The following MED13 variants were observed in gnomAD, a reference collection of about 807,000 sequenced individuals.
The protein encoded by MED13 is mediator complex subunit 13.
In MED13, 23 loss-of-function variants were observed where a neutral mutation model predicts 225.2. The ratio of observed to expected loss-of-function variants is 0.10; its 90% CI spans 0.07 to 0.14. The LOEUF (loss-of-function observed/expected upper bound fraction) is 0.14. MED13 is among the 10% of genes least tolerant of loss of function. MED13 has a pLI of 1.00. For missense variants in MED13, 2,197 were observed against 2,594.5 expected (o/e 0.85, Z 3.33); for synonymous variants, 942 against 889.2 (o/e 1.06, Z -1.06).
intron 8 of MED13, among the ~76,000 whole-genome samples, chr17:62,014,667 A>G (rs532063303): frequency 4.6e-5 from 7 of 152,226 alleles, no homozygotes; most frequent in Admixed American, 3.3e-4. Flanking sequence ...TTGAGGAACT[A>G]ATTTTTTAAG....
intron 3 of MED13, among the ~76,000 whole-genome samples, chr17:62,045,520 T>G (rs2080890581): frequency 6.6e-6 from 1 of 151,784 alleles, no homozygotes; most frequent in South Asian, 2.1e-4. Context: ...AGACCCTGTC[T>G]CTATTTAAAA....
At chr17:62,035,703 C>A (rs1411185742) in intron 3 of MED13, 95 bp from the exon 4 acceptor site, 7 of 1,199,432 alleles carry the variant, frequency 5.8e-6, no homozygotes, top group South Asian at 1.8e-5. Context: ...AAATGCATAC[C>A]CTATTTTGCC....
At chr17:62,014,280 C>T (rs2080540031) in intron 8 of MED13, among the ~76,000 whole-genome samples, 1 of 148,002 alleles carries the variant, frequency 6.8e-6, no homozygotes, top group Admixed American at 6.7e-5. Flanking sequence ...CTAGAACTTT[C>T]TATGATGATG....
intron 3 of MED13, among the ~76,000 whole-genome samples, chr17:62,039,902 AT>A (rs2080839185): frequency 6.6e-6 from 1 of 151,566 alleles, no homozygotes; most frequent in Admixed American, 6.6e-5. Flanking sequence ...CCGGCCTGAA[AT>A]TTTTTTTAAG....
intron 20 of MED13, among the ~76,000 whole-genome samples, chr17:61,963,202 C>CAAAAAAA (rs11290002): frequency 8.3e-3 from 462 of 55,746 alleles, no homozygotes; most frequent in East Asian, 0.017. Flanking sequence ...TTAAATTTAC[C>CAAAAAAA]AAAAAAAAAA....
intron 9 of MED13, among the ~76,000 whole-genome samples, chr17:62,008,214 G>A (rs1330841676): frequency 1.3e-5 from 2 of 149,524 alleles, no homozygotes; most frequent in Non-Finnish European, 3.0e-5. Flanking sequence ...AGCTACTCAG[G>A]AGGCTGAGGC....
At chr17:62,019,659 G>A (rs960778140) in intron 8 of MED13, among the ~76,000 whole-genome samples, 1 of 151,980 alleles carries the variant, frequency 6.6e-6, no homozygotes, top group Non-Finnish European at 1.5e-5. Context: ...CTAAATTTTT[G>A]ACAACATTAA....
chr17:61,969,519 A>G (rs946176841), intron 17 of MED13, among the ~76,000 whole-genome samples: 5 of 152,102 alleles, frequency 3.3e-5, no homozygotes, highest in African/African-American at 7.2e-5. Context: ...TTATACATTT[A>G]AAAATAATAT....
intron 16 of MED13, among the ~76,000 whole-genome samples, chr17:61,980,677 G>C (rs2080196115): frequency 6.6e-6 from 1 of 152,074 alleles, no homozygotes; most frequent in South Asian, 2.1e-4. Flanking sequence ...CTAAGCTACT[G>C]AAACTGCCTT....
chr17:62,015,450 A>G (rs1049679004), intron 8 of MED13, among the ~76,000 whole-genome samples: 94 of 152,342 alleles, frequency 6.2e-4, no homozygotes, highest in African/African-American at 1.9e-3. Flanking sequence ...CAAAAAAACA[A>G]TAAGTTGCAG....
chr17:62,035,923 C>T (rs1302035653), intron 3 of MED13, among the ~76,000 whole-genome samples: 1 of 151,816 alleles, frequency 6.6e-6, no homozygotes, highest in Non-Finnish European at 1.5e-5. Flanking sequence ...AAGGGATAGG[C>T]TACCAAAATA....
chr17:62,035,966 TAAAG>T lies in MED13; in HGVS notation c.471-362_471-359del, dbSNP rs910179356. Among the ~76,000 whole-genome samples, 52 of 152,092 alleles carry T rather than the reference TAAAG, an allele frequency of 3.4e-4. 2 individuals are homozygous for T. The highest frequency in any genetic ancestry group is 1.0e-4 in the Non-Finnish European group (7 of 67,988). ...CAATTTTTTTTTTCTTTTTCTTTTT[TAAAG>T]AAAGAGAGAGGGTCTCAGTATGTTG... On this transcript the variant is annotated intron_variant, in intron 3 of 29. Coordinates refer to ENST00000397786, the MANE Select transcript of MED13 (RefSeq NM_005121.3).
At chr17:61,966,689 T>A in intron 18 of MED13, 38 bp from the exon 19 acceptor site, 1 of 1,388,628 alleles carries the variant, frequency 7.2e-7, no homozygotes, top group Admixed American at 2.7e-5. Flanking sequence ...TTAGTAAATT[T>A]ATTATTGTAT....
chr17:61,992,447 A>G, intron 11 of MED13, 93 bp downstream of exon 11: 1 of 722,848 alleles, frequency 1.4e-6, no homozygotes, highest in South Asian at 1.8e-5. Context: ...AATGAATTAT[A>G]CAAAAAGGAA....
intron 1 of MED13, 88 bp from the exon 2 acceptor site, chr17:62,063,389 C>T: frequency 1.2e-6 from 1 of 854,644 alleles, no homozygotes; most frequent in Non-Finnish European, 1.8e-6. Flanking sequence ...TTCATTAAGA[C>T]ATTACAATTT....
chr17:62,020,227 CTTTCT>C (rs987760699), intron 8 of MED13, among the ~76,000 whole-genome samples: 9 of 144,310 alleles, frequency 6.2e-5, no homozygotes, highest in East Asian at 2.6e-4. Flanking sequence ...ACTTAGCAGC[CTTTCT>C]TTTTTTTTTT....
rs1214345837 is a variant in MED13 at position 61,955,831 on chromosome 17, G to A, written c.5631C>T (p.Ser1877=). 25 of 1,067,800 alleles carry A rather than the reference G, an allele frequency of 2.3e-5. No individual in the cohort carries two copies. Among genetic ancestry groups the A allele is most frequent in the Non-Finnish European group, 3.0e-5 (24 of 795,790 alleles). The allele number at this position is 1,067,800 out of a possible 1,614,324, so 66.1% of individuals were successfully genotyped here. A position where few individuals can be genotyped will look rare whatever the true frequency, so the allele number is the denominator to read the frequency against. Residue 1877 remains serine (S), a synonymous_variant, in exon 25 of 30, where the codon AGC becomes AGT. Transcript: ENST00000397786. ...GCAAGTTTCGACGACTCAGCAAACA[G>A]CTCCAATCTGTGGGTATCAACAGTA... ...RIGHGELKDW[S]CLLSRRNLQS...
In MED13 at chr17:61,984,068, T is replaced by G. The variant is rs148598944; in HGVS notation, c.2888+103A>C. ...TTAACCAGAAATAATTTTTAGAATTTTCAAAAACCAATTTTATTTTTCCAG... is the reference window on the plus strand; with the variant it reads ...TTAACCAGAAATAATTTTTAGAATTGTCAAAAACCAATTTTATTTTTCCAG... On this transcript the variant is annotated intron_variant, in intron 15 of 29. Coordinates refer to ENST00000397786, the MANE Select transcript of MED13 (RefSeq NM_005121.3). 65 of 944,388 alleles carry G rather than the reference T, an allele frequency of 6.9e-5. No individual in the cohort carries two copies. The East Asian group carries it at 1.6e-3, about 23-fold the overall frequency. The allele number at this position is 944,388 out of a possible 1,614,324, so 58.5% of individuals were successfully genotyped here. A position where few individuals can be genotyped will look rare whatever the true frequency, so the allele number is the denominator to read the frequency against.
intron 1 of MED13, among the ~76,000 whole-genome samples, chr17:62,064,002 T>C (rs555604714): frequency 1.3e-5 from 2 of 152,296 alleles, no homozygotes; most frequent in East Asian, 3.9e-4. Context: ...AAGATCTCAA[T>C]TTAGCATGGG....
Sources: gnomAD v4.1 joint callset for allele counts (sites outside exome capture counted in the v4.1 genomes callset) on GRCh38, gnomAD v4.1.1 for gene constraint, MANE v1.5 for transcripts, NCBI Gene and HGNC (gene_info 2026-07-23, HGNC 2026-07-21) for gene names.